The following GK variants were observed in gnomAD, a reference collection of about 807,000 sequenced individuals.
The protein encoded by GK is ATP:glycerol 3-phosphotransferase.
Under a neutral mutation model 56.4 loss-of-function variants are expected in GK, and 9 were observed. That is an observed-to-expected ratio of 0.16 (90% CI 0.10 to 0.28). GK has a LOEUF of 0.28. Ranked by LOEUF, GK falls within the 10% of genes least tolerant of loss-of-function variation. The probability of loss-of-function intolerance (pLI) is 1.00; values close to 1 mark genes in which losing one functional copy is unlikely to be tolerated. For missense variants in GK, 161 were observed against 431.4 expected, an observed-to-expected ratio of 0.37 and a Z score of 5.55; for synonymous variants, 104 against 144.1, an observed-to-expected ratio of 0.72 and a Z score of 1.99.
intron 7 of GK, 142 bp downstream of exon 7, chrX:30,696,293 G>A (rs1935230480): frequency 4.1e-6 from 2 of 486,696 alleles, no homozygotes; most frequent in Middle Eastern, 4.1e-4. Context: ...TATGTTATGT[G>A]TTTTTTAAAG....
At chrX:30,727,686 A>G in intron 20 of GK, 134 bp downstream of exon 20, 1 of 468,981 alleles carries the variant, frequency 2.1e-6, no homozygotes, top group South Asian at 3.3e-5. Flanking sequence ...AGGTCTAATT[A>G]GTTAGACCAA....
At chrX:30,675,350 C>A (rs1209914744) in intron 3 of GK, among the ~76,000 whole-genome samples, 1 of 106,907 alleles carries the variant, frequency 9.4e-6, no homozygotes, top group African/African-American at 3.4e-5. Flanking sequence ...CGCCCACCAC[C>A]ACACCCGGCT....
intron 4 of GK, among the ~76,000 whole-genome samples, chrX:30,681,967 C>T (rs1425687016): frequency 8.9e-6 from 1 of 111,752 alleles, no homozygotes; most frequent in Non-Finnish European, 1.9e-5. Flanking sequence ...TCTCTTAGTC[C>T]ATTCTGGTTA....
At chrX:30,653,739 G>A (rs901261499) in intron 1 of GK, 124 bp downstream of exon 1, 7 of 666,226 alleles carry the variant, frequency 1.1e-5, no homozygotes, top group Admixed American at 4.9e-5. Context: ...TGGGCAAGGA[G>A]GGAGGCCGGA....
intron 1 of GK, among the ~76,000 whole-genome samples, chrX:30,659,475 G>A (rs765255766): frequency 2.8e-4 from 31 of 112,504 alleles, no homozygotes; most frequent in South Asian, 7.2e-4. Context: ...TCACATTTAC[G>A]TAGTATCATG....
chrX:30,721,265 C>T (rs1260971921), intron 18 of GK: 1 of 367,904 alleles, frequency 2.7e-6, no homozygotes, highest in Non-Finnish European at 4.8e-6. Context: ...ATAATACTGC[C>T]ACACTGTCAG....
chrX:30,711,472 G>A (rs1936322012), intron 13 of GK, among the ~76,000 whole-genome samples: 1 of 111,250 alleles, frequency 9.0e-6, no homozygotes, highest in African/African-American at 3.3e-5. Flanking sequence ...TCTGTCTTCA[G>A]ATCTGGAAAG....
chrX:30,676,162 C>T (rs1420878917), intron 3 of GK, among the ~76,000 whole-genome samples: 1 of 111,941 alleles, frequency 8.9e-6, no homozygotes, highest in African/African-American at 3.2e-5. Flanking sequence ...GTCTTGAACC[C>T]CTGGGCTCAA....
chrX:30,665,526 A>C lies in GK; in HGVS notation c.94A>C (p.Thr32Pro). 8.8e-7 allele frequency: 1 copy of C among 1,134,037 alleles called. No individual in the cohort carries two copies. The highest frequency in any genetic ancestry group is 1.2e-6 in the Non-Finnish European group (1 of 824,866). The allele number at this position is 1,134,037 out of a possible 1,213,427, so 93.5% of individuals were successfully genotyped here. ...TCTTTTTCAGGTTTTCAATTCAAAA[A>C]CAGCTGAACTACTTAGTCATCATCA... ...STRFLVFNSK[T>P]AELLSHHQVE... The change falls in exon 2 of 21, where the codon ACA becomes CCA. Residue 32 changes from threonine (T) to proline (P), a missense_variant. By Grantham distance (38) the Thr-to-Pro change is conservative. Transcript: ENST00000427190.
chrX:30,710,974 A>T (rs1400384366), intron 13 of GK, among the ~76,000 whole-genome samples: 4 of 111,094 alleles, frequency 3.6e-5, no homozygotes, highest in Non-Finnish European at 7.6e-5. Context: ...CATTTCCCCC[A>T]TTTTGTTCAA....
intron 11 of GK, among the ~76,000 whole-genome samples, chrX:30,707,186 T>C (rs1429699786): frequency 2.7e-5 from 3 of 110,488 alleles, no homozygotes; most frequent in Non-Finnish European, 5.7e-5. Flanking sequence ...AAAAATTAGC[T>C]GGGCGTGGTG....
chrX:30,685,714 A>C (rs1373229574), intron 4 of GK, among the ~76,000 whole-genome samples: 1 of 112,156 alleles, frequency 8.9e-6, no homozygotes, highest in Non-Finnish European at 1.9e-5. Context: ...TTATCCCGTT[A>C]AGACTGTGAC....
chrX:30,662,792 TTTCC>T (rs1167035306), intron 1 of GK, among the ~76,000 whole-genome samples: 46 of 101,209 alleles, frequency 4.5e-4, no homozygotes, highest in African/African-American at 1.5e-3. Context: ...TCTCTCTTTC[TTTCC>T]TTCCTTCCTT....
At chrX:30,709,941 G>A (rs1936235586) in intron 13 of GK, among the ~76,000 whole-genome samples, 1 of 110,676 alleles carries the variant, frequency 9.0e-6, no homozygotes, top group African/African-American at 3.3e-5. Context: ...TTCCTATATA[G>A]TCTGAATTCG....
chrX:30,709,171 G>A (rs778431196), intron 13 of GK, among the ~76,000 whole-genome samples: 59 of 112,029 alleles, frequency 5.3e-4, no homozygotes, highest in African/African-American at 1.8e-3. Context: ...CATAGAATAT[G>A]CACTTGATAA....
intron 1 of GK, among the ~76,000 whole-genome samples, chrX:30,654,494 A>T (rs1323306857): frequency 8.9e-6 from 1 of 111,841 alleles, no homozygotes; most frequent in Non-Finnish European, 1.9e-5. Flanking sequence ...TGTAATCCCA[A>T]CAGTTTGGGA....
chrX:30,700,818 A>C lies in GK; in HGVS notation c.784-20A>C, dbSNP rs1411033337. The C allele has an allele frequency of 1.9e-6, 2 of 1,071,580 alleles. No homozygotes were observed. The highest frequency in any genetic ancestry group is 1.3e-6 in the Non-Finnish European group (1 of 767,383). 88.3% of individuals were successfully genotyped at this position (1,071,580 alleles called of 1,213,427 possible). ...ACTATTGTATTAGTCAGTGTTCTTT[A>C]TTGTCATTTATACTTTCAGTGTTTA... On this transcript the variant is annotated intron_variant, in intron 10 of 20. Transcript: ENST00000427190.
At chrX:30,687,486 C>T in intron 4 of GK, 1 of 341,692 alleles carries the variant, frequency 2.9e-6, no homozygotes, top group Non-Finnish European at 5.9e-6. Flanking sequence ...GACCTTGAAC[C>T]TGGCCATCTC....
chrX:30,669,927 A>G (rs1008657617), intron 3 of GK, among the ~76,000 whole-genome samples: 1 of 112,793 alleles, frequency 8.9e-6, no homozygotes. Flanking sequence ...ATAAAATAAT[A>G]GAGTTATTTC....
Sources: allele counts gnomAD v4.1 joint callset (sites outside exome capture counted in the v4.1 genomes callset), GRCh38; gene constraint gnomAD v4.1.1; transcripts MANE v1.5; gene names NCBI Gene and HGNC (gene_info 2026-07-23, HGNC 2026-07-21).